ZYG11B: variants seen among roughly 807,000 people sequenced by gnomAD.
The protein encoded by ZYG11B is zyg-11 family member B, cell cycle regulator.
In ZYG11B, 36 loss-of-function variants were observed where a neutral mutation model predicts 82.4. That is an observed-to-expected ratio of 0.44 (90% CI 0.33 to 0.58). The LOEUF (loss-of-function observed/expected upper bound fraction) is 0.58. ZYG11B is among the 20% of genes least tolerant of loss of function. The pLI, the probability that ZYG11B is intolerant of heterozygous loss-of-function variation, is 0.02. For synonymous variants in ZYG11B, 303 were observed against 312.8 expected (o/e 0.97, Z 0.33); for missense variants, 552 against 895.6 (o/e 0.62, Z 4.90).
chr1:52,818,954 C>T (rs766979584), intron 13 of ZYG11B, among the ~76,000 whole-genome samples: 1 of 151,972 alleles, frequency 6.6e-6, no homozygotes, highest in African/African-American at 2.4e-5. Context: ...CCACCATGCC[C>T]AGCTAATTTT....
intron 2 of ZYG11B, among the ~76,000 whole-genome samples, chr1:52,764,999 A>G (rs1486769976): frequency 6.6e-6 from 1 of 151,978 alleles, no homozygotes; most frequent in Non-Finnish European, 1.5e-5. Flanking sequence ...AAGCCATCAG[A>G]TAAAATTCCC....
At chr1:52,759,803 G>T (rs987147146) in intron 2 of ZYG11B, among the ~76,000 whole-genome samples, 1 of 152,116 alleles carries the variant, frequency 6.6e-6, no homozygotes, top group Admixed American at 6.6e-5. Flanking sequence ...AAGTTATTCA[G>T]TTGATACTTT....
chr1:52,768,814 G>A (rs1203609688), intron 2 of ZYG11B, among the ~76,000 whole-genome samples: 1 of 151,968 alleles, frequency 6.6e-6, no homozygotes, highest in East Asian at 1.9e-4. Context: ...GGCTGGTCTC[G>A]AATTCCTGGC....
At chr1:52,815,654 G>T (rs1645217105) in intron 12 of ZYG11B, among the ~76,000 whole-genome samples, 1 of 151,274 alleles carries the variant, frequency 6.6e-6, no homozygotes, top group African/African-American at 2.4e-5. Flanking sequence ...AAATAAATAG[G>T]CCGGGCATGG....
At chr1:52,743,907 A>G (rs1644455091) in intron 1 of ZYG11B, among the ~76,000 whole-genome samples, 1 of 151,660 alleles carries the variant, frequency 6.6e-6, no homozygotes, top group Non-Finnish European at 1.5e-5. Context: ...TTTATCTTCT[A>G]TGCCTATCCC....
chr1:52,783,867 CAT>C (rs1460702030), intron 4 of ZYG11B, among the ~76,000 whole-genome samples: 5 of 116,864 alleles, frequency 4.3e-5, no homozygotes, highest in African/African-American at 1.2e-4. Flanking sequence ...TGTGTATGTA[CAT>C]ACACGTGTGT....
intron 6 of ZYG11B, among the ~76,000 whole-genome samples, chr1:52,795,965 C>T (rs985841149): frequency 6.6e-6 from 1 of 151,856 alleles, no homozygotes; most frequent in African/African-American, 2.4e-5. Flanking sequence ...ATGAGGAACC[C>T]AAAAAATACT....
chr1:52,766,509 T>TA (rs1644691197), intron 2 of ZYG11B, among the ~76,000 whole-genome samples: 1 of 152,216 alleles, frequency 6.6e-6, no homozygotes, highest in African/African-American at 2.4e-5. Context: ...TCTGTTACCT[T>TA]ACTGTTGGCA....
At chr1:52,815,535 G>A (rs1462120028) in intron 12 of ZYG11B, among the ~76,000 whole-genome samples, 1 of 151,906 alleles carries the variant, frequency 6.6e-6, no homozygotes, top group African/African-American at 2.4e-5. Context: ...TGGGAGAATC[G>A]CTTGAGCCTG....
intron 3 of ZYG11B, among the ~76,000 whole-genome samples, chr1:52,779,070 C>G (rs890863772): frequency 2.6e-5 from 4 of 151,986 alleles, no homozygotes; most frequent in Non-Finnish European, 5.9e-5. Context: ...GTGTCCTTAA[C>G]TTGAATAAGG....
rs932590088 is a variant in ZYG11B, at chr1:52,822,243, G to A, written c.*614G>A. 2 of 152,198 alleles carry A rather than the reference G, an allele frequency of 1.3e-5. No homozygotes were observed. The highest frequency in any genetic ancestry group is 4.8e-5 in the African/African-American group (2 of 41,440). 9.4% of individuals were successfully genotyped at this position (152,198 alleles called of 1,614,324 possible). Reference sequence around the variant, plus strand: ...ACTGGGAATTGGTTTCATGGTATAGGTTTTAAAATGAGACAGGCTACCCTT... The same window carrying A: ...ACTGGGAATTGGTTTCATGGTATAGATTTTAAAATGAGACAGGCTACCCTT... On this transcript the variant is annotated 3_prime_UTR_variant, in exon 14 of 14. Transcript: ENST00000294353.
chr1:52,773,629 T>TATATA (rs1187455734), intron 3 of ZYG11B, among the ~76,000 whole-genome samples: 34 of 9,516 alleles, frequency 3.6e-3, no homozygotes, highest in East Asian at 6.2e-3. Context: ...ATATATATAT[T>TATATA]TTTTTTTTTT....
chr1:52,759,892 G>A (rs1204521545), intron 2 of ZYG11B, among the ~76,000 whole-genome samples: 3 of 152,052 alleles, frequency 2.0e-5, no homozygotes, highest in Non-Finnish European at 2.9e-5. Context: ...GTGCAGTGGC[G>A]CGATCTCGGC....
intron 2 of ZYG11B, among the ~76,000 whole-genome samples, chr1:52,763,480 T>G (rs1252862927): frequency 2.0e-5 from 3 of 152,056 alleles, no homozygotes; most frequent in African/African-American, 4.8e-5. Flanking sequence ...GGTGTGATCT[T>G]GGCTACTTTG....
chr1:52,814,617 T>C (rs989840529), intron 12 of ZYG11B, among the ~76,000 whole-genome samples: 1 of 152,070 alleles, frequency 6.6e-6, no homozygotes, highest in African/African-American at 2.4e-5. Context: ...GGAGGATCAC[T>C]TGAGCCCAGG....
intron 1 of ZYG11B, among the ~76,000 whole-genome samples, chr1:52,735,767 AC>A (rs1644373888): frequency 6.6e-6 from 1 of 151,966 alleles, no homozygotes; most frequent in Admixed American, 6.6e-5. Flanking sequence ...CGAACTCCTG[AC>A]CTCAAGTGAT....
chr1:52,798,425 G>A (rs1645046397), intron 8 of ZYG11B, among the ~76,000 whole-genome samples: 1 of 152,074 alleles, frequency 6.6e-6, no homozygotes, highest in Admixed American at 6.6e-5. Context: ...ACCAGCCTGA[G>A]CAATATGAGA....
intron 12 of ZYG11B, among the ~76,000 whole-genome samples, 183 bp from the exon 13 acceptor site, chr1:52,816,349 T>A (rs1645223619): frequency 6.6e-6 from 1 of 152,174 alleles, no homozygotes; most frequent in Non-Finnish European, 1.5e-5. Flanking sequence ...CTGTACTGAG[T>A]CATGTCTGAA....
chr1:52,786,923 C>T (rs1644917844), intron 5 of ZYG11B, among the ~76,000 whole-genome samples: 1 of 151,984 alleles, frequency 6.6e-6, no homozygotes, highest in African/African-American at 2.4e-5. Context: ...AAACCCTATC[C>T]CTACTAAAAA....
Sources: gnomAD v4.1 joint callset for allele counts (sites outside exome capture counted in the v4.1 genomes callset) on GRCh38, gnomAD v4.1.1 for gene constraint, MANE v1.5 for transcripts, NCBI Gene and HGNC (gene_info 2026-07-23, HGNC 2026-07-21) for gene names.